Variants in SEC22C observed in about 807,000 individuals in gnomAD.
SEC22C encodes vesicle-trafficking protein SEC22c.
In SEC22C, 29 loss-of-function variants were observed where a neutral mutation model predicts 34.7. That is an observed-to-expected ratio of 0.84 (90% CI 0.62 to 1.14). SEC22C has a LOEUF of 1.14. Among genes scored for constraint, SEC22C ranks in the 50% most tolerant of loss-of-function variants. The probability of loss-of-function intolerance (pLI) is 0.00; values close to 1 mark genes in which losing one functional copy is unlikely to be tolerated. For synonymous variants in SEC22C, 117 were observed against 132.8 expected, an observed-to-expected ratio of 0.88 and a Z score of 0.82; for missense variants, 337 against 369.0, an observed-to-expected ratio of 0.91 and a Z score of 0.71.
chr3:42,562,305 C>T (rs1473271369), intron 3 of SEC22C, among the ~76,000 whole-genome samples: 1 of 152,214 alleles, frequency 6.6e-6, no homozygotes, highest in African/African-American at 2.4e-5. Flanking sequence ...GAGAGAAGAA[C>T]ACAGGTCTAC....
Position 42,549,559 on chromosome 3 carries a change from A to AAG in SEC22C, c.*3687_*3688dup, listed in dbSNP as rs10657398. On this transcript the variant is annotated 3_prime_UTR_variant, in exon 7 of 7. Coordinates refer to ENST00000264454, the MANE Select transcript of SEC22C (RefSeq NM_032970.4). ...CTGACTCTGAGCTGTGCTGACCACC[A>AAG]AGTGTTACTCCTCTCCAAGACTTGA... 352,653 of 985,018 alleles carry AAG rather than the reference A, an allele frequency of 0.36. 68,108 individuals are homozygous for AAG. The highest frequency in any genetic ancestry group is 0.73 in the African/African-American group (41,816 of 57,166). The allele number at this position is 985,018 out of a possible 1,614,324, so 61.0% of individuals were successfully genotyped here. A position where few individuals can be genotyped will look rare whatever the true frequency, so the allele number is the denominator to read the frequency against.
At chr3:42,564,038 T>C in intron 2 of SEC22C, 1 of 912,446 alleles carries the variant, frequency 1.1e-6, no homozygotes, top group Non-Finnish European at 1.5e-6. Context: ...TAATGTTAAA[T>C]GATCCTGGCA....
chr3:42,551,734 A>G lies in SEC22C; in HGVS notation c.*1514T>C. 3.1e-6 allele frequency: 3 copies of G among 963,398 alleles called. No individual in the cohort carries two copies. The highest frequency in any genetic ancestry group is 3.7e-6 in the Non-Finnish European group (3 of 809,864). 59.7% of individuals were successfully genotyped at this position (963,398 alleles called of 1,614,324 possible). On this transcript the variant is annotated 3_prime_UTR_variant, in exon 7 of 7. Coordinates refer to ENST00000264454, the MANE Select transcript of SEC22C (RefSeq NM_032970.4). ...ATTTTCCCAACATAGTTCCCAGTAT[A>G]TAAACTTATTTTTCTTAAAATGATA...
At chr3:42,588,981 C>T (rs1704715140) in intron 1 of SEC22C, among the ~76,000 whole-genome samples, 1 of 151,856 alleles carries the variant, frequency 6.6e-6, no homozygotes, top group South Asian at 2.1e-4. Flanking sequence ...GGGATGAAAG[C>T]AGGCCGGGCA....
chr3:42,597,389 A>T (rs890418532), intron 1 of SEC22C, among the ~76,000 whole-genome samples: 7 of 152,174 alleles, frequency 4.6e-5, no homozygotes, highest in Non-Finnish European at 7.4e-5. Flanking sequence ...CCCTGTCTCT[A>T]CTAAAAATAC....
At chr3:42,558,920 CCT>C in intron 4 of SEC22C, among the ~76,000 whole-genome samples, 1 of 152,292 alleles carries the variant, frequency 6.6e-6, no homozygotes. Context: ...TTCAACTTGT[CCT>C]CTTTCTCTGA....
intron 6 of SEC22C, among the ~76,000 whole-genome samples, chr3:42,554,315 G>A (rs1258819151): frequency 2.6e-5 from 4 of 152,068 alleles, no homozygotes; most frequent in Admixed American, 2.6e-4. Context: ...ATTTTCATGG[G>A]TTGAAAATTT....
intron 3 of SEC22C, among the ~76,000 whole-genome samples, chr3:42,562,414 G>C (rs1702978787): frequency 6.6e-6 from 1 of 152,216 alleles, no homozygotes; most frequent in Non-Finnish European, 1.5e-5. Flanking sequence ...CAGAGCACAA[G>C]CTTGACTAAG....
chr3:42,594,604 C>A, intron 1 of SEC22C: 3 of 1,062,372 alleles, frequency 2.8e-6, no homozygotes, highest in South Asian at 1.4e-5. Flanking sequence ...GGGTCTTTAC[C>A]AACTCAACTG....
At position 42,550,897 on chromosome 3, in the gene SEC22C, T is replaced by A. The variant is rs1386034865; in HGVS notation, c.*2351A>T. On this transcript the variant is annotated 3_prime_UTR_variant, in exon 7 of 7. Coordinates refer to ENST00000264454, the MANE Select transcript of SEC22C (RefSeq NM_032970.4). ...TTTTTTTTTTTTTTTTGAGACGGAGTCTTGCTTTGTCACCAGGCTGGAGTG... is the reference window on the plus strand; with the variant it reads ...TTTTTTTTTTTTTTTTGAGACGGAGACTTGCTTTGTCACCAGGCTGGAGTG... 6 of 960,148 alleles carry A rather than the reference T, an allele frequency of 6.2e-6. No individual in the cohort carries two copies. The East Asian group carries it at 6.0e-4, about 95-fold the overall frequency. The allele number at this position is 960,148 out of a possible 1,614,324, so 59.5% of individuals were successfully genotyped here.
chr3:42,597,049 C>A (rs1705050783), intron 1 of SEC22C, among the ~76,000 whole-genome samples: 1 of 152,176 alleles, frequency 6.6e-6, no homozygotes, highest in African/African-American at 2.4e-5. Context: ...CAAACTATTT[C>A]ATCTCCAGAA....
upstream of SEC22C, chr3:42,582,092 G>A (rs1704418707): frequency 6.6e-6 from 1 of 152,326 alleles, no homozygotes; most frequent in Non-Finnish European, 1.5e-5. Context: ...TCCCGGCGAA[G>A]GCGCGAACGT....
At chr3:42,559,848 T>C (rs3821836) in intron 4 of SEC22C, among the ~76,000 whole-genome samples, 4,871 of 152,152 alleles carry the variant, frequency 0.032, 135 homozygotes, top group East Asian at 0.12. Flanking sequence ...CTAATAACAT[T>C]AATGACAAAG....
chr3:42,564,007 A>C, intron 2 of SEC22C: 4 of 1,133,274 alleles, frequency 3.5e-6, no homozygotes, highest in South Asian at 1.5e-5. Context: ...TTTCTTCTTT[A>C]ATCTACATCA....
chr3:42,560,009 C>T (rs973001599), intron 4 of SEC22C, among the ~76,000 whole-genome samples: 11 of 151,624 alleles, frequency 7.3e-5, no homozygotes, highest in South Asian at 6.2e-4. Flanking sequence ...GCCCCCTGTC[C>T]AACGCTCTCA....
intron 1 of SEC22C, among the ~76,000 whole-genome samples, chr3:42,592,607 T>C (rs1190453256): frequency 6.6e-6 from 1 of 152,222 alleles, no homozygotes; most frequent in Non-Finnish European, 1.5e-5. Context: ...CTGAATACCT[T>C]AATAGAATAG....
intron 1 of SEC22C, among the ~76,000 whole-genome samples, chr3:42,578,460 G>C (rs552051133): frequency 1.3e-5 from 2 of 152,012 alleles, no homozygotes; most frequent in Non-Finnish European, 2.9e-5. Context: ...AACAGCCAAA[G>C]GCATCTGGTG....
intron 1 of SEC22C, among the ~76,000 whole-genome samples, chr3:42,572,731 G>T (rs546066153): frequency 6.6e-6 from 1 of 152,164 alleles, no homozygotes; most frequent in Non-Finnish European, 1.5e-5. Context: ...CATCCAAAAT[G>T]TAAGTTTCAA....
At chr3:42,583,063 G>C (rs1704482042), upstream of SEC22C, among the ~76,000 whole-genome samples, 2 of 152,338 alleles carry the variant, frequency 1.3e-5, no homozygotes, top group African/African-American at 4.8e-5. Context: ...TAAAGGAGTG[G>C]AGTGAGATCC....
Sources: gnomAD v4.1 joint callset for allele counts (sites outside exome capture counted in the v4.1 genomes callset) on GRCh38, gnomAD v4.1.1 for gene constraint, MANE v1.5 for transcripts, NCBI Gene and HGNC (gene_info 2026-07-23, HGNC 2026-07-21) for gene names.